Variants in GRM5 observed in about 807,000 individuals in gnomAD.
GRM5 encodes the protein metabotropic glutamate receptor 5.
GRM5 carries 19 observed loss-of-function variants against 83.1 expected under a neutral mutation model. The observed-to-expected ratio is 0.23, with a 90% CI of 0.16 to 0.34. The LOEUF (loss-of-function observed/expected upper bound fraction) is 0.34. GRM5 is among the 10% of genes least tolerant of loss of function. The probability of loss-of-function intolerance (pLI) is 1.00; values close to 1 mark genes in which losing one functional copy is unlikely to be tolerated. For missense variants in GRM5, 1,160 were observed against 1,588.3 expected (o/e 0.73, Z 4.58); for synonymous variants, 675 against 633.6 (o/e 1.07, Z -0.98).
intron 2 of GRM5, among the ~76,000 whole-genome samples, chr11:89,040,842 C>T (rs2135140904): frequency 6.6e-6 from 1 of 152,298 alleles, no homozygotes; most frequent in Admixed American, 6.5e-5. Flanking sequence ...AAAAAAAATT[C>T]TCAAGATACT....
chr11:88,956,794 A>G (rs145266533), intron 2 of GRM5, among the ~76,000 whole-genome samples: 25 of 152,338 alleles, frequency 1.6e-4, no homozygotes, highest in Admixed American at 1.6e-3. Flanking sequence ...CGAAAGAATG[A>G]GACTCCGTCA....
chr11:88,615,685 T>C (rs1031098291), intron 4 of GRM5, among the ~76,000 whole-genome samples: 1 of 151,558 alleles, frequency 6.6e-6, no homozygotes, highest in Non-Finnish European at 1.5e-5. Context: ...TTACTGTGAA[T>C]AGCTGGCAAG....
chr11:88,607,342 T>C (rs781154499), intron 4 of GRM5, among the ~76,000 whole-genome samples: 4 of 152,206 alleles, frequency 2.6e-5, no homozygotes, highest in Non-Finnish European at 4.4e-5. Context: ...TCACAACTCT[T>C]ATTTGATTTA....
intron 3 of GRM5, among the ~76,000 whole-genome samples, chr11:88,757,445 C>T (rs1374738086): frequency 6.6e-6 from 1 of 152,138 alleles, no homozygotes; most frequent in Non-Finnish European, 1.5e-5. Context: ...AGCCTCACCC[C>T]CACCAATGCT....
intron 2 of GRM5, among the ~76,000 whole-genome samples, chr11:88,991,336 C>G (rs1299338450): frequency 6.6e-6 from 1 of 152,078 alleles, no homozygotes; most frequent in Non-Finnish European, 1.5e-5. Flanking sequence ...AGGAGAACTA[C>G]AAACCACTGC....
At chr11:88,896,109 C>G (rs1341592438) in intron 2 of GRM5, among the ~76,000 whole-genome samples, 1 of 151,834 alleles carries the variant, frequency 6.6e-6, no homozygotes, top group Non-Finnish European at 1.5e-5. Flanking sequence ...AAACATATCA[C>G]TTACACAATA....
At chr11:88,773,227 T>G (rs533519078) in intron 3 of GRM5, among the ~76,000 whole-genome samples, 11 of 152,362 alleles carry the variant, frequency 7.2e-5, no homozygotes, top group Non-Finnish European at 1.3e-4. Flanking sequence ...TTCATGTGTC[T>G]GTTGGCTGCA....
At position 88,995,544 on chromosome 11, in the gene GRM5, CAAAAAAAAA is replaced by C. The variant is rs1022656205; in HGVS notation, c.661+51659_661+51667del. On this transcript the variant is annotated intron_variant, in intron 2 of 9. Coordinates refer to ENST00000305447, the MANE Select transcript of GRM5 (RefSeq NM_001143831.3). The stretch of plus-strand genomic sequence containing the variant: ...TGGCAACAAGAGCGAGACTCCATCT[CAAAAAAAAA>C]AAAAAAAAAAAAAAAAAGGCCAGTG... 4.7e-4 allele frequency among the ~76,000 whole-genome samples: 8 copies of C among 16,898 alleles called. 1 individual carries two copies. In the South Asian group the frequency reaches 7.5e-3, roughly 16 times the overall value. 11.1% of individuals were successfully genotyped at this position (16,898 alleles called of 152,430 possible). A position where few individuals can be genotyped will look rare whatever the true frequency, so the allele number is the denominator to read the frequency against.
chr11:88,552,631 C>A (rs868646870), intron 8 of GRM5, among the ~76,000 whole-genome samples: 19 of 152,214 alleles, frequency 1.2e-4, no homozygotes, highest in Middle Eastern at 3.4e-3. Context: ...GGAAAGGGAC[C>A]TGGTCGACTG....
chr11:88,777,016 T>A (rs923339172), intron 3 of GRM5, among the ~76,000 whole-genome samples: 15 of 152,244 alleles, frequency 9.9e-5, no homozygotes, highest in Admixed American at 5.9e-4. Flanking sequence ...TTCTCCTGGA[T>A]AATATCCTGA....
Position 88,681,565 on chromosome 11 carries a change from CTTTTTTTTT to C in GRM5, c.912-28171_912-28163del, listed in dbSNP as rs796854617. Among the ~76,000 whole-genome samples the C allele has an allele frequency of 2.8e-4, 7 of 25,414 alleles. No individual in the cohort carries two copies. In the East Asian group the frequency reaches 5.4e-3, roughly 20 times the overall value. 16.7% of individuals were successfully genotyped at this position (25,414 alleles called of 152,430 possible). Reference sequence around the variant, plus strand: ...ATAAACTCAAGAGGTTGAGTTCTTCCTTTTTTTTTTTTTTTTTTTTTTTTGAGATGGAGT... The same window carrying C: ...ATAAACTCAAGAGGTTGAGTTCTTCCTTTTTTTTTTTTTTTGAGATGGAGT... On this transcript the variant is annotated intron_variant, in intron 3 of 9. Coordinates refer to ENST00000305447, the MANE Select transcript of GRM5 (RefSeq NM_001143831.3).
At chr11:88,850,774 T>C (rs568203178) in intron 2 of GRM5, among the ~76,000 whole-genome samples, 1 of 152,072 alleles carries the variant, frequency 6.6e-6, no homozygotes, top group Non-Finnish European at 1.5e-5. Flanking sequence ...TTTACAGTTT[T>C]ATCCTATACA....
At chr11:88,796,455 T>A (rs1047122029) in intron 3 of GRM5, among the ~76,000 whole-genome samples, 1 of 152,218 alleles carries the variant, frequency 6.6e-6, no homozygotes. Context: ...ACAAAAGACA[T>A]AATTTAAAAT....
At chr11:88,845,391 A>G (rs1047411950) in intron 3 of GRM5, among the ~76,000 whole-genome samples, 4 of 143,970 alleles carry the variant, frequency 2.8e-5, no homozygotes, top group African/African-American at 1.0e-4. Context: ...TCTATTGTGC[A>G]CTTATTAGGC....
chr11:88,665,925 A>G (rs1940032733), intron 3 of GRM5, among the ~76,000 whole-genome samples: 1 of 152,010 alleles, frequency 6.6e-6, no homozygotes, highest in Non-Finnish European at 1.5e-5. Context: ...AGTTGAACTC[A>G]TTGATAAGAA....
At chr11:88,719,867 G>GAAAA (rs2135393410) in intron 3 of GRM5, among the ~76,000 whole-genome samples, 1 of 152,148 alleles carries the variant, frequency 6.6e-6, no homozygotes, top group African/African-American at 2.4e-5. Context: ...GTCTTCTTTT[G>GAAAA]AAAAATGCCT....
At chr11:88,799,175 C>T (rs189986576) in intron 3 of GRM5, among the ~76,000 whole-genome samples, 122 of 152,080 alleles carry the variant, frequency 8.0e-4, no homozygotes, top group African/African-American at 2.8e-3. Flanking sequence ...AGAAAATGTT[C>T]ACATATTTTT....
intron 4 of GRM5, among the ~76,000 whole-genome samples, chr11:88,649,128 T>C (rs1411112110): frequency 7.0e-6 from 1 of 143,210 alleles, no homozygotes; most frequent in African/African-American, 2.6e-5. Flanking sequence ...GTAATATTTT[T>C]ATATGTGTAA....
At chr11:88,817,768 G>A (rs1347050793) in intron 3 of GRM5, among the ~76,000 whole-genome samples, 1 of 152,088 alleles carries the variant, frequency 6.6e-6, no homozygotes. Context: ...CTACAAAAAT[G>A]TGAGATTAAT....
Sources: allele counts gnomAD v4.1 joint callset (sites outside exome capture counted in the v4.1 genomes callset), GRCh38; gene constraint gnomAD v4.1.1; transcripts MANE v1.5; gene names NCBI Gene and HGNC (gene_info 2026-07-23, HGNC 2026-07-21).